STMN2: variants seen among roughly 807,000 people sequenced by gnomAD.
The protein encoded by STMN2 is stathmin-2.
STMN2 carries 2 observed loss-of-function variants against 24.1 expected under a neutral mutation model. That is an observed-to-expected ratio of 0.08 (90% CI 0.03 to 0.26). The LOEUF is 0.26. Ranked by LOEUF, STMN2 falls within the 10% of genes least tolerant of loss-of-function variation. The probability of loss-of-function intolerance (pLI) is 1.00; values close to 1 mark genes in which losing one functional copy is unlikely to be tolerated. For synonymous variants in STMN2, 83 were observed against 77.5 expected (o/e 1.07, Z -0.37); for missense variants, 114 against 213.6 (o/e 0.53, Z 2.91).
chr8:79,648,443 A>C (rs1177996670), intron 3 of STMN2, among the ~76,000 whole-genome samples: 1 of 148,088 alleles, frequency 6.8e-6, no homozygotes, highest in African/African-American at 2.5e-5. Context: ...CTACCATACA[A>C]TATACGTTGC....
intron 2 of STMN2, 59 bp downstream of exon 2, chr8:79,636,956 A>G (rs1161047146): frequency 3.4e-5 from 51 of 1,511,480 alleles, no homozygotes; most frequent in Non-Finnish European, 4.5e-5. Context: ...AGGTTGACAT[A>G]TATTTGTTTC....
chr8:79,617,123 T>G (rs1809399307), intron 1 of STMN2, among the ~76,000 whole-genome samples: 1 of 145,182 alleles, frequency 6.9e-6, no homozygotes, highest in Non-Finnish European at 1.5e-5. Context: ...AGAAAATTCT[T>G]AAGAATTTAT....
chr8:79,621,550 A>G (rs571092978), intron 1 of STMN2, among the ~76,000 whole-genome samples: 1 of 152,360 alleles, frequency 6.6e-6, no homozygotes, highest in African/African-American at 2.4e-5. Context: ...CTCCTAAAGA[A>G]GAGCCTTCTT....
At chr8:79,624,964 A>G (rs536317562) in intron 1 of STMN2, among the ~76,000 whole-genome samples, 1 of 151,638 alleles carries the variant, frequency 6.6e-6, no homozygotes, top group South Asian at 2.1e-4. Context: ...TACAAGTCAC[A>G]TGTCCCACGC....
At chr8:79,631,114 G>T (rs1809792731) in intron 1 of STMN2, among the ~76,000 whole-genome samples, 1 of 152,204 alleles carries the variant, frequency 6.6e-6, no homozygotes, top group African/African-American at 2.4e-5. Flanking sequence ...GCTTTAACTG[G>T]AATCCAGAGT....
intron 1 of STMN2, among the ~76,000 whole-genome samples, chr8:79,614,880 G>T (rs1316943344): frequency 1.3e-5 from 2 of 152,102 alleles, no homozygotes; most frequent in Non-Finnish European, 2.9e-5. Flanking sequence ...AATTACTAAT[G>T]GATAGATGGT....
chr8:79,640,969 C>T (rs1042036529), intron 2 of STMN2, among the ~76,000 whole-genome samples: 3 of 152,084 alleles, frequency 2.0e-5, no homozygotes, highest in Non-Finnish European at 2.9e-5. Flanking sequence ...TTATGTTTCT[C>T]GTCTAACCAA....
chr8:79,624,018 G>A (rs1809581830), intron 1 of STMN2, among the ~76,000 whole-genome samples: 1 of 152,148 alleles, frequency 6.6e-6, no homozygotes, highest in African/African-American at 2.4e-5. Flanking sequence ...GAACAACATT[G>A]AAGAAATATT....
At chr8:79,615,975 TA>T (rs1284850922) in intron 1 of STMN2, among the ~76,000 whole-genome samples, 15 of 152,250 alleles carry the variant, frequency 9.9e-5, no homozygotes, top group African/African-American at 3.6e-4. Context: ...CCGAATATTT[TA>T]ATGCTTAAAA....
At chr8:79,662,931 CT>C (rs1806530868) in intron 4 of STMN2, among the ~76,000 whole-genome samples, 1 of 152,054 alleles carries the variant, frequency 6.6e-6, no homozygotes, top group Admixed American at 6.6e-5. Context: ...TTTGCTTCAT[CT>C]TTTTCCTTAT....
Position 79,654,975 on chromosome 8 carries a change from G to C in STMN2, c.393G>C (p.Ala131=), listed in dbSNP as rs184731125. ...AGAACAACAACTTCAGCAAGATGGCGGAGGAAAAGCTGATCCTGAAAATGG... is the reference window on the plus strand; with the variant it reads ...AGAACAACAACTTCAGCAAGATGGCCGAGGAAAAGCTGATCCTGAAAATGG... The part of the protein sequence containing the change: ...LEENNNFSKM[A]EEKLILKMEQ... Residue 131 remains alanine, a synonymous_variant, in exon 4 of 5, where the codon GCG becomes GCC. Coordinates refer to ENST00000220876, the MANE Select transcript of STMN2 (RefSeq NM_007029.4). 1 of 1,613,898 alleles carries C rather than the reference G, an allele frequency of 6.2e-7. No individual in the cohort carries two copies. Among genetic ancestry groups the C allele is most frequent in the Non-Finnish European group, 8.5e-7 (1 of 1,179,962 alleles).
At chr8:79,660,725 T>C (rs926901755) in intron 4 of STMN2, among the ~76,000 whole-genome samples, 5 of 152,020 alleles carry the variant, frequency 3.3e-5, no homozygotes, top group Non-Finnish European at 7.4e-5. Context: ...TTAGTGGTGA[T>C]TTCTGAGATT....
chr8:79,655,279 A>G (rs1806317058), intron 4 of STMN2, among the ~76,000 whole-genome samples: 1 of 152,118 alleles, frequency 6.6e-6, no homozygotes, highest in Admixed American at 6.5e-5. Context: ...GAATTTTGTC[A>G]AATTTTCCCA....
intron 3 of STMN2, among the ~76,000 whole-genome samples, chr8:79,644,770 C>T (rs1810182405): frequency 6.6e-6 from 1 of 152,134 alleles, no homozygotes; most frequent in Non-Finnish European, 1.5e-5. Context: ...TTGTATCTCC[C>T]TTCTGTTGCC....
intron 3 of STMN2, among the ~76,000 whole-genome samples, chr8:79,653,905 G>T (rs1308468558): frequency 6.6e-6 from 1 of 152,152 alleles, no homozygotes; most frequent in Non-Finnish European, 1.5e-5. Context: ...AGAATAAAAA[G>T]AATATGGAAA....
chr8:79,614,378 T>G (rs944486324), intron 1 of STMN2, among the ~76,000 whole-genome samples: 3 of 152,238 alleles, frequency 2.0e-5, no homozygotes, highest in African/African-American at 7.2e-5. Context: ...AGTGGGCACC[T>G]TCTGAATGGA....
Position 79,641,360 on chromosome 8 carries a change from C to A in STMN2, c.116-18C>A. On this transcript the variant is annotated intron_variant, in intron 2 of 4. Transcript: ENST00000220876. ...GCAAGCTTTGTATGCTTAACATTCT[C>A]AAATGTTCACTTTTCAGATATGGAA... 6.2e-7 allele frequency: 1 copy of A among 1,609,450 alleles called. No homozygotes were observed. Among genetic ancestry groups the A allele is most frequent in the South Asian group, 1.1e-5 (1 of 90,480 alleles).
intron 1 of STMN2, among the ~76,000 whole-genome samples, chr8:79,628,259 G>T (rs1169164592): frequency 6.6e-6 from 1 of 152,050 alleles, no homozygotes; most frequent in Non-Finnish European, 1.5e-5. Context: ...TGCCTCCTGG[G>T]TTCAAGCAAT....
chr8:79,651,473 G>T (rs902596665), intron 3 of STMN2, among the ~76,000 whole-genome samples: 1 of 152,186 alleles, frequency 6.6e-6, no homozygotes. Flanking sequence ...ACAGGAGTTT[G>T]TTCATGCAGA....
Sources: gnomAD v4.1 joint callset for allele counts (sites outside exome capture counted in the v4.1 genomes callset) on GRCh38, gnomAD v4.1.1 for gene constraint, MANE v1.5 for transcripts, NCBI Gene and HGNC (gene_info 2026-07-23, HGNC 2026-07-21) for gene names.